Variants in NMUR1 observed in about 807,000 individuals in gnomAD.
NMUR1 encodes the protein neuromedin-U receptor 1.
Under a neutral mutation model 18.8 loss-of-function variants are expected in NMUR1, and 16 were observed. The ratio of observed to expected loss-of-function variants is 0.85; its 90% CI spans 0.58 to 1.29. The LOEUF is 1.29. Among genes scored for constraint, NMUR1 ranks in the 50% most tolerant of loss-of-function variants. The probability of loss-of-function intolerance (pLI) is 0.00; values close to 1 mark genes in which losing one functional copy is unlikely to be tolerated. For missense variants in NMUR1, 529 were observed against 580.3 expected, an observed-to-expected ratio of 0.91 and a Z score of 0.91; for synonymous variants, 258 against 258.2, an observed-to-expected ratio of 1.00 and a Z score of 0.01.
Position 231,528,535 on chromosome 2 carries a change from G to A in NMUR1, c.486C>T (p.Ala162=), listed in dbSNP as rs755808260. 3.2e-5 allele frequency: 52 copies of A among 1,613,836 alleles called. No homozygotes were observed. Among genetic ancestry groups the A allele is most frequent in the Non-Finnish European group, 4.2e-5 (50 of 1,180,056 alleles). ...ACCTGGCCTGGAGTGGGTGCACCAC[G>A]GCCACATAGCGTTCCACGCTCAGGG... ...VTALSVERYV[A]VVHPLQARSM... The change falls in exon 2 of 3, where the codon GCC becomes GCT. Residue 162 remains alanine (A), a synonymous_variant. Coordinates refer to ENST00000305141, the MANE Select transcript of NMUR1 (RefSeq NM_006056.5).
At chr2:231,527,637 CAAAAAAAAA>C (rs10522812) in intron 2 of NMUR1, among the ~76,000 whole-genome samples, 3 of 99,982 alleles carry the variant, frequency 3.0e-5, no homozygotes, top group African/African-American at 9.3e-5. Flanking sequence ...GACCCTGTCT[CAAAAAAAAA>C]AAAAAAAAAA....
At chr2:231,522,182 A>G (rs72991328), downstream of NMUR1, among the ~76,000 whole-genome samples, 42,057 of 150,886 alleles carry the variant, frequency 0.28, 6,498 homozygotes, top group East Asian at 0.5. Flanking sequence ...CGGGGGTTTC[A>G]CCATGTTGCC....
rs2047341333 is a variant in NMUR1 at position 231,525,094 on chromosome 2, G to T, written c.1230C>A (p.Pro410=). ...DVGSLGSWVH[P]LAGNDGPEAQ... Reference sequence around the variant, plus strand: ...CCTCTGGGCCATCGTTCCCAGCCAGGGGGTGGACCCAGCTGCCCAGGGAGC... The same window carrying T: ...CCTCTGGGCCATCGTTCCCAGCCAGTGGGTGGACCCAGCTGCCCAGGGAGC... Residue 410 remains proline, a synonymous_variant, in exon 3 of 3, where the codon CCC becomes CCA. Coordinates refer to ENST00000305141, the MANE Select transcript of NMUR1 (RefSeq NM_006056.5). The T allele has an allele frequency of 8.1e-6, 13 of 1,609,894 alleles. No homozygotes were observed. In the East Asian group the frequency reaches 2.9e-4, roughly 36 times the overall value.
chr2:231,519,132 T>A (rs755296215), downstream of NMUR1, among the ~76,000 whole-genome samples: 17 of 152,250 alleles, frequency 1.1e-4, no homozygotes, highest in Admixed American at 5.9e-4. Context: ...AAATGTTGGA[T>A]GAATGATGCC....
chr2:231,522,918 G>A (rs959375681), downstream of NMUR1, among the ~76,000 whole-genome samples: 3 of 152,040 alleles, frequency 2.0e-5, no homozygotes, highest in African/African-American at 7.2e-5. Flanking sequence ...TTCCTCCCCC[G>A]AGCCAGGGAC....
intron 1 of NMUR1, among the ~76,000 whole-genome samples, chr2:231,529,858 C>T (rs972008650): frequency 3.9e-5 from 6 of 152,222 alleles, no homozygotes; most frequent in African/African-American, 1.4e-4. Context: ...GGATCACCCC[C>T]TTGCTCTGGG....
In NMUR1 at chr2:231,528,607, C is replaced by T. The variant is rs565796873; in HGVS notation, c.414G>A (p.Thr138=). 8.1e-6 allele frequency: 13 copies of T among 1,614,188 alleles called. No homozygotes were observed. In the Admixed American group the frequency reaches 8.3e-5, roughly 10 times the overall value. Residue 138 remains threonine (T), a synonymous_variant, in exon 2 of 3, where the codon ACG becomes ACA. Transcript: ENST00000305141. ...LLGVGGCYFR[T]LLFEMVCLAS... ...CCAGGCAGACCATCTCAAACAGTAG[C>T]GTGCGGAAATAGCAGCCACCAACGC...
chr2:231,521,439 A>G (rs899846528), downstream of NMUR1, among the ~76,000 whole-genome samples: 2 of 152,168 alleles, frequency 1.3e-5, no homozygotes, highest in African/African-American at 4.8e-5. Context: ...GTAGCAGTCA[A>G]GAGCTCACAC....
Position 231,527,898 on chromosome 2 carries a change from G to A in NMUR1, c.898+225C>T, listed in dbSNP as rs116517696. Among the ~76,000 whole-genome samples, 841 of 152,024 alleles carry A rather than the reference G, an allele frequency of 5.5e-3. 11 individuals carry two copies. The highest frequency in any genetic ancestry group is 0.019 in the African/African-American group (796 of 41,426). ...ACTCCACAAATTACACAATCTTACCGTTAGCCATTAACAGGTATTTTTGGT... is the reference window on the plus strand; with the variant it reads ...ACTCCACAAATTACACAATCTTACCATTAGCCATTAACAGGTATTTTTGGT... On this transcript the variant is annotated intron_variant, in intron 2 of 2. Transcript: ENST00000305141.
At chr2:231,523,002 A>G (rs1189252682), downstream of NMUR1, among the ~76,000 whole-genome samples, 4 of 151,856 alleles carry the variant, frequency 2.6e-5, no homozygotes, top group Non-Finnish European at 4.4e-5. Flanking sequence ...TGCAAGTCCT[A>G]CTCCCCCAGG....
chr2:231,525,513 A>G, intron 2 of NMUR1, 88 bp from the exon 3 acceptor site: 1 of 1,403,062 alleles, frequency 7.1e-7, no homozygotes. Context: ...CCATTTTCAC[A>G]TCCTCTCCTA....
chr2:231,522,002 G>T, downstream of NMUR1, among the ~76,000 whole-genome samples: 1 of 108,190 alleles, frequency 9.2e-6, no homozygotes, highest in Non-Finnish European at 1.8e-5. Context: ...TTTTGAGACA[G>T]GGCCTCACTC....
At chr2:231,521,458 A>C (rs1315545863), downstream of NMUR1, among the ~76,000 whole-genome samples, 1 of 152,196 alleles carries the variant, frequency 6.6e-6, no homozygotes, top group African/African-American at 2.4e-5. Context: ...ACTTTCTGAA[A>C]TGGGAGAGCA....
intron 2 of NMUR1, among the ~76,000 whole-genome samples, chr2:231,526,025 TC>T (rs1299322447): frequency 3.3e-5 from 5 of 151,322 alleles, no homozygotes; most frequent in Non-Finnish European, 5.9e-5. Context: ...AGCCCCCAGC[TC>T]CCCAAGGCCC....
downstream of NMUR1, among the ~76,000 whole-genome samples, chr2:231,520,297 G>A (rs1347382811): frequency 6.6e-6 from 1 of 152,196 alleles, no homozygotes; most frequent in Non-Finnish European, 1.5e-5. Context: ...GAAAAAGGGC[G>A]GAACCCAAGA....
At chr2:231,527,364 CG>C (rs1180051449) in intron 2 of NMUR1, among the ~76,000 whole-genome samples, 1 of 152,172 alleles carries the variant, frequency 6.6e-6, no homozygotes, top group Non-Finnish European at 1.5e-5. Flanking sequence ...CAAAGAGAGC[CG>C]GGTGCAATGG....
chr2:231,525,245 G>A lies in NMUR1; in HGVS notation c.1079C>T (p.Ser360Phe), dbSNP rs763024360. 3.5e-5 allele frequency: 56 copies of A among 1,614,088 alleles called. No individual in the cohort carries two copies. Among genetic ancestry groups the A allele is most frequent in the Non-Finnish European group, 4.7e-5 (55 of 1,180,038 alleles). ...AANPVLYSLM[S>F]SRFRETFQEA... ...CTGGAAGGTCTCTCGGAAGCGGCTG[G>A]ACATGAGGCTATAGAGCACGGGGTT... Residue 360 changes from serine to phenylalanine, a missense_variant, in exon 3 of 3, where the codon TCC becomes TTC. By Grantham distance (155) the Ser-to-Phe change is radical. Coordinates refer to ENST00000305141, the MANE Select transcript of NMUR1 (RefSeq NM_006056.5).
rs753599735 is a variant in NMUR1 at position 231,528,918 on chromosome 2, A to C, written c.103T>G (p.Phe35Val). 4.3e-6 allele frequency: 7 copies of C among 1,614,188 alleles called. No individual in the cohort carries two copies. Among genetic ancestry groups the C allele is most frequent in the Middle Eastern group, 1.6e-4 (1 of 6,062 alleles). Residue 35 changes from phenylalanine (F) to valine (V), a missense_variant, in exon 2 of 3, where the codon TTT (phenylalanine) becomes GTT (valine). Phe to Val is a conservative substitution (Grantham distance 50). Transcript: ENST00000305141. ...GTCAGGTTCAAGTCCTCAGGGTCAAAGTGCCCCCTGGCCGCACTGCCATTG... is the reference window on the plus strand; with the variant it reads ...GTCAGGTTCAAGTCCTCAGGGTCAACGTGCCCCCTGGCCGCACTGCCATTG... ...ACNGSAARGH[F>V]DPEDLNLTDE...
At chr2:231,520,243 T>C (rs1014213293), downstream of NMUR1, among the ~76,000 whole-genome samples, 2 of 152,202 alleles carry the variant, frequency 1.3e-5, no homozygotes, top group Non-Finnish European at 2.9e-5. Flanking sequence ...TGAAATGCTC[T>C]CAGTAGCTCA....
Sources: gnomAD v4.1 joint callset for allele counts (sites outside exome capture counted in the v4.1 genomes callset) on GRCh38, gnomAD v4.1.1 for gene constraint, MANE v1.5 for transcripts, NCBI Gene and HGNC (gene_info 2026-07-23, HGNC 2026-07-21) for gene names.